The following DNMT3A variants were observed in gnomAD, a reference collection of about 807,000 sequenced individuals.
The protein encoded by DNMT3A is DNA methyltransferase 3 alpha.
A neutral mutation model predicts 117.6 loss-of-function variants in DNMT3A; 267 were observed. The ratio of observed to expected loss-of-function variants is 2.27; its 90% CI spans 2.05 to 2.51. The LOEUF (loss-of-function observed/expected upper bound fraction) is 2.51. Ranked by LOEUF, DNMT3A falls within the 30% of genes most tolerant of loss-of-function variation. The probability of loss-of-function intolerance (pLI) is 0.00; values close to 1 mark genes in which losing one functional copy is unlikely to be tolerated. For missense variants in DNMT3A, 1,029 were observed against 1,260.2 expected (o/e 0.82, Z 2.78); for synonymous variants, 432 against 474.8 (o/e 0.91, Z 1.17).
rs1434238632 is a variant in DNMT3A, at chr2:25,298,779, C to G, written c.177+1360G>C. 6.6e-6 allele frequency among the ~76,000 whole-genome samples: 1 copy of G among 152,190 alleles called. No individual in the cohort carries two copies. The highest frequency in any genetic ancestry group is 1.9e-4 in the East Asian group (1 of 5,208). On this transcript the variant is annotated intron_variant, in intron 3 of 22. Transcript: ENST00000321117. This position sits in a 1 kb window ranked among gnomAD's most constrained non-coding sequence, Gnocchi z 4.3. ...AGAATGAATTTCATTCATTACATAT[C>G]CACGTTTGCTTTAATATTAAAAGGT...
chr2:25,242,026 C>T lies in DNMT3A; in HGVS notation c.1937-319G>A, dbSNP rs557306086. ...TGGGGGCCTTTTCTTTGTTGTTGTC[C>T]GTCTACAACTTGGTCCTTCCATACC... On this transcript the variant is annotated intron_variant, in intron 16 of 22. Coordinates refer to ENST00000321117, the MANE Select transcript of DNMT3A (RefSeq NM_022552.5). 1.5e-3 allele frequency: 530 copies of T among 363,682 alleles called. 2 individuals carry two copies. The highest frequency in any genetic ancestry group is 2.1e-3 in the Non-Finnish European group (427 of 201,184). 22.5% of individuals were successfully genotyped at this position (363,682 alleles called of 1,614,324 possible).
chr2:25,246,852 C>T, intron 9 of DNMT3A, 76 bp from the exon 10 acceptor site: 2 of 1,579,954 alleles, frequency 1.3e-6, no homozygotes, highest in Non-Finnish European at 1.7e-6. Context: ...AGGCCAGACT[C>T]TGAGTAGTGA....
At chr2:25,292,659 A>C (rs2032842834) in intron 3 of DNMT3A, among the ~76,000 whole-genome samples, 1 of 152,076 alleles carries the variant, frequency 6.6e-6, no homozygotes, top group South Asian at 2.1e-4. Flanking sequence ...GGGGAGTCCT[A>C]ATCTCTTTAG....
In DNMT3A at chr2:25,339,868, C is replaced by T. The variant is rs1303553379; in HGVS notation, c.-178+1958G>A. 1.3e-5 allele frequency among the ~76,000 whole-genome samples: 2 copies of T among 152,390 alleles called. No individual in the cohort carries two copies. Among genetic ancestry groups the T allele is most frequent in the Admixed American group, 6.5e-5 (1 of 15,310 alleles). Reference sequence around the variant, plus strand: ...ATAGCTCCCCTGGCTGCAGCTGTCACATCTGCCCGCGAGGGAGGAGGCGAC... The same window carrying T: ...ATAGCTCCCCTGGCTGCAGCTGTCATATCTGCCCGCGAGGGAGGAGGCGAC... On this transcript the variant is annotated intron_variant, in intron 1 of 22. Transcript: ENST00000321117. This position sits in a 1 kb window ranked among gnomAD's most constrained non-coding sequence, Gnocchi z 4.9.
At chr2:25,289,435 G>C (rs1488726133) in intron 3 of DNMT3A, among the ~76,000 whole-genome samples, 2 of 152,066 alleles carry the variant, frequency 1.3e-5, no homozygotes, top group Admixed American at 1.3e-4. Context: ...TCCACCTATG[G>C]CTCTCTAGCA....
At chr2:25,240,140 TTCC>T in intron 19 of DNMT3A, among the ~76,000 whole-genome samples, 159 bp downstream of exon 19, 1 of 152,276 alleles carries the variant, frequency 6.6e-6, no homozygotes, top group African/African-American at 2.4e-5. Context: ...CTAACCCTGC[TTCC>T]TCCCTTTCTA....
rs373244818 is a variant in DNMT3A at position 25,283,417 on chromosome 2, C to T, written c.178-706G>A. ...GCCACCCATAATCCAATAAGACCCC[C>T]CTCTCCCTTAGAAGATTCCAGTGCC... On this transcript the variant is annotated intron_variant, in intron 3 of 22. Coordinates refer to ENST00000321117, the MANE Select transcript of DNMT3A (RefSeq NM_022552.5). Among the ~76,000 whole-genome samples the T allele has an allele frequency of 1.8e-4, 27 of 152,026 alleles. No individual in the cohort carries two copies. The South Asian group carries it at 4.2e-3, about 23-fold the overall frequency.
At position 25,239,560 on chromosome 2, in the gene DNMT3A, T is replaced by C. The variant is rs761741332; in HGVS notation, c.2323-345A>G. The C allele has an allele frequency of 6.4e-5, 35 of 545,320 alleles. No homozygotes were observed. In the East Asian group the frequency reaches 1.1e-3, roughly 17 times the overall value. The allele number at this position is 545,320 out of a possible 1,614,324, so 33.8% of individuals were successfully genotyped here. A position where few individuals can be genotyped will look rare whatever the true frequency, so the allele number is the denominator to read the frequency against. On this transcript the variant is annotated intron_variant, in intron 19 of 22. Transcript: ENST00000321117. ...TGAGGAGCTGAATGGTTAATGTTAA[T>C]GTAAACAGCCGCATGTGGCTGGTGG...
rs189556408 is a variant in DNMT3A, at chr2:25,298,847, G to A, written c.177+1292C>T. Among the ~76,000 whole-genome samples, 188 of 151,962 alleles carry A rather than the reference G, an allele frequency of 1.2e-3. 2 individuals carry two copies. In the East Asian group the frequency reaches 0.024, roughly 20 times the overall value. On this transcript the variant is annotated intron_variant, in intron 3 of 22. Coordinates refer to ENST00000321117, the MANE Select transcript of DNMT3A (RefSeq NM_022552.5). This position sits in a 1 kb window ranked among gnomAD's most constrained non-coding sequence, Gnocchi z 4.3. The stretch of plus-strand genomic sequence containing the variant: ...TAAAATGACTTCACTCCGCCCCCCT[G>A]CCCCCCGCCTCAAATCTTCAGGCAG...
Position 25,257,992 on chromosome 2 carries a change from G to A in DNMT3A, c.640-9740C>T, listed in dbSNP as rs1676304060. Among the ~76,000 whole-genome samples the A allele has an allele frequency of 6.6e-6, 1 of 152,224 alleles. No individual in the cohort carries two copies. The highest frequency in any genetic ancestry group is 2.4e-5 in the African/African-American group (1 of 41,458). ...GGAGATGGAGGTCAGCTCCCTCGGG[G>A]CATGCGTCCCAGGTGAGCCCTCCTC... On this transcript the variant is annotated intron_variant, in intron 6 of 22. Transcript: ENST00000321117. The surrounding 1 kb of genome is among the most constrained non-coding windows in gnomAD (Gnocchi z 4.8).
Position 25,312,914 on chromosome 2 carries a change from C to A in DNMT3A, c.72+999G>T, listed in dbSNP as rs114184681. Reference sequence around the variant, plus strand: ...ACCAACTGGTGCCCCCATGAGCATGCCCAGCTACTCCCAGACACCACCAAG... The same window carrying A: ...ACCAACTGGTGCCCCCATGAGCATGACCAGCTACTCCCAGACACCACCAAG... On this transcript the variant is annotated intron_variant, in intron 2 of 22. Coordinates refer to ENST00000321117, the MANE Select transcript of DNMT3A (RefSeq NM_022552.5). Among the ~76,000 whole-genome samples, 623 of 152,256 alleles carry A rather than the reference C, an allele frequency of 4.1e-3. 1 individual carries two copies. Among genetic ancestry groups the A allele is most frequent in the Non-Finnish European group, 7.1e-3 (484 of 68,014 alleles).
In DNMT3A at chr2:25,311,575, A is replaced by G. The variant is rs2034121304; in HGVS notation, c.72+2338T>C. 6.6e-6 allele frequency among the ~76,000 whole-genome samples: 1 copy of G among 151,924 alleles called. No individual in the cohort carries two copies. Among genetic ancestry groups the G allele is most frequent in the African/African-American group, 2.4e-5 (1 of 41,322 alleles). On this transcript the variant is annotated intron_variant, in intron 2 of 22. Coordinates refer to ENST00000321117, the MANE Select transcript of DNMT3A (RefSeq NM_022552.5). This position sits in a 1 kb window ranked among gnomAD's most constrained non-coding sequence, Gnocchi z 5.2. ...CCCTCCTGCTGGGGTGTGAGTGTGC[A>G]CTCTATCAGCACCGGGATCTAGGGC...
chr2:25,295,174 C>T (rs531985517), intron 3 of DNMT3A, among the ~76,000 whole-genome samples: 1 of 152,300 alleles, frequency 6.6e-6, no homozygotes, highest in Admixed American at 6.5e-5. Flanking sequence ...CTCAGACACC[C>T]ACACTTGTCA....
At chr2:25,333,328 CTTTTT>C (rs1227757033) in intron 1 of DNMT3A, among the ~76,000 whole-genome samples, 3 of 142,714 alleles carry the variant, frequency 2.1e-5, no homozygotes, top group South Asian at 4.5e-4. Context: ...ACTTGCAGGT[CTTTTT>C]TTTTTTTTTC....
At chr2:25,241,770 A>C in intron 16 of DNMT3A, 63 bp from the exon 17 acceptor site, 1 of 1,581,772 alleles carries the variant, frequency 6.3e-7, no homozygotes, top group South Asian at 1.2e-5. Flanking sequence ...TGGTCTCGGC[A>C]GGTGAGCCTG....
At chr2:25,249,716 C>A in intron 6 of DNMT3A, 2 of 1,614,202 alleles carry the variant, frequency 1.2e-6, no homozygotes, top group Non-Finnish European at 1.7e-6. Context: ...ACAACCCGCT[C>A]CAGGATCCCT....
At chr2:25,240,163 C>T (rs944324742) in intron 19 of DNMT3A, 139 bp downstream of exon 19, 37 of 1,272,610 alleles carry the variant, frequency 2.9e-5, no homozygotes, top group East Asian at 4.7e-5. Context: ...ATCCAGGAAG[C>T]CTGGGGCTTC....
chr2:25,253,167 C>T (rs1675802575), intron 6 of DNMT3A, among the ~76,000 whole-genome samples: 1 of 152,124 alleles, frequency 6.6e-6, no homozygotes, highest in Non-Finnish European at 1.5e-5. Flanking sequence ...CCAGGTGCAG[C>T]CTCCGCCATT....
intron 1 of DNMT3A, among the ~76,000 whole-genome samples, chr2:25,321,213 A>G (rs1002560003): frequency 1.3e-5 from 2 of 152,094 alleles, no homozygotes; most frequent in Non-Finnish European, 2.9e-5. Context: ...TAAACTCAAG[A>G]TGTTGGCAGG....
Sources: allele counts gnomAD v4.1 joint callset (sites outside exome capture counted in the v4.1 genomes callset), GRCh38; gene constraint gnomAD v4.1.1; non-coding constraint Gnocchi (gnomAD v3.1); transcripts MANE v1.5; gene names NCBI Gene and HGNC (gene_info 2026-07-23, HGNC 2026-07-21).